The following GPC6 variants were observed in gnomAD, a reference collection of about 807,000 sequenced individuals.
GPC6 encodes the protein glypican 6, also known as glypican-6.
In GPC6, 14 loss-of-function variants were observed where a neutral mutation model predicts 55.2. That is an observed-to-expected ratio of 0.25 (90% CI 0.17 to 0.40). The LOEUF (loss-of-function observed/expected upper bound fraction) is 0.40, where lower values mean the gene tolerates loss of function less well. Ranked by LOEUF, GPC6 falls within the 10% of genes least tolerant of loss-of-function variation. The pLI, the probability that GPC6 is intolerant of heterozygous loss-of-function variation, is 1.00. For synonymous variants in GPC6, 278 were observed against 259.6 expected, an observed-to-expected ratio of 1.07 and a Z score of -0.68; for missense variants, 641 against 708.5, an observed-to-expected ratio of 0.90 and a Z score of 1.08.
intron 5 of GPC6, among the ~76,000 whole-genome samples, chr13:94,301,634 T>C (rs963138446): frequency 1.3e-5 from 2 of 152,222 alleles, no homozygotes; most frequent in African/African-American, 2.4e-5. Context: ...GTAAATAATA[T>C]TGTTATTCCC....
At chr13:93,845,280 G>A (rs1453781461) in intron 3 of GPC6, among the ~76,000 whole-genome samples, 1 of 151,066 alleles carries the variant, frequency 6.6e-6, no homozygotes, top group African/African-American at 2.4e-5. Flanking sequence ...AAACCACTAT[G>A]AGATATCATC....
In GPC6 at chr13:93,265,345, G is replaced by A. The variant is rs149295641; in HGVS notation, c.160+37729G>A. Among the ~76,000 whole-genome samples, 28 of 152,122 alleles carry A rather than the reference G, an allele frequency of 1.8e-4. No individual in the cohort carries two copies. In the East Asian group the frequency reaches 3.7e-3, roughly 20 times the overall value. On this transcript the variant is annotated intron_variant, in intron 1 of 8. Transcript: ENST00000377047. ...GTTGAGCATCCCTCAACTGAAAATC[G>A]GAGATCCAAAATGCTCCAAAACTGG...
chr13:93,785,831 G>T (rs1326707681), intron 2 of GPC6, among the ~76,000 whole-genome samples: 2 of 152,088 alleles, frequency 1.3e-5, no homozygotes, highest in Admixed American at 1.3e-4. Flanking sequence ...GCAGAGTGGG[G>T]TTTGCCTGTG....
At chr13:93,393,228 T>G (rs1875714099) in intron 1 of GPC6, among the ~76,000 whole-genome samples, 1 of 151,116 alleles carries the variant, frequency 6.6e-6, no homozygotes, top group South Asian at 2.1e-4. Context: ...AACCTCTGCC[T>G]CCTGGGTTCA....
intron 3 of GPC6, among the ~76,000 whole-genome samples, chr13:94,017,134 G>A (rs1882499203): frequency 6.6e-6 from 1 of 152,104 alleles, no homozygotes; most frequent in African/African-American, 2.4e-5. Context: ...TGCCTGGCCA[G>A]TTTTCTTAAC....
chr13:94,123,497 A>G (rs1480478893), intron 4 of GPC6, among the ~76,000 whole-genome samples: 1 of 152,060 alleles, frequency 6.6e-6, no homozygotes, highest in East Asian at 1.9e-4. Context: ...TTTAATAGTC[A>G]TCTCTTGTTG....
intron 4 of GPC6, among the ~76,000 whole-genome samples, chr13:94,115,453 G>A (rs1221852915): frequency 6.6e-6 from 1 of 152,084 alleles, no homozygotes; most frequent in East Asian, 1.9e-4. Context: ...CAAACAAAGG[G>A]ACTGCTTTTT....
At chr13:93,413,899 T>A (rs1876601437) in intron 1 of GPC6, among the ~76,000 whole-genome samples, 2 of 152,184 alleles carry the variant, frequency 1.3e-5, no homozygotes, top group African/African-American at 2.4e-5. Context: ...AAAATACCTA[T>A]AGTAAAAATC....
intron 4 of GPC6, among the ~76,000 whole-genome samples, chr13:94,256,524 T>A (rs1891509281): frequency 6.6e-6 from 1 of 152,170 alleles, no homozygotes; most frequent in African/African-American, 2.4e-5. Flanking sequence ...TCTCAATGTA[T>A]GGCATGGCCC....
intron 3 of GPC6, among the ~76,000 whole-genome samples, chr13:93,902,458 G>A (rs532702965): frequency 6.6e-6 from 1 of 152,016 alleles, no homozygotes; most frequent in African/African-American, 2.4e-5. Context: ...TCATCCATTG[G>A]TGGACAGACA....
chr13:94,199,355 T>C lies in GPC6; in HGVS notation c.878-86994T>C, dbSNP rs549466105. 2.6e-5 allele frequency among the ~76,000 whole-genome samples: 4 copies of C among 152,362 alleles called. No homozygotes were observed. In the East Asian group the frequency reaches 7.7e-4, roughly 29 times the overall value. ...GGGTTAAAATGCCTTGTCATCATTTTTGGATCTCTACATCCTGGAATTGTA... is the reference window on the plus strand; with the variant it reads ...GGGTTAAAATGCCTTGTCATCATTTCTGGATCTCTACATCCTGGAATTGTA... On this transcript the variant is annotated intron_variant, in intron 4 of 8. Coordinates refer to ENST00000377047, the MANE Select transcript of GPC6 (RefSeq NM_005708.5).
At chr13:93,918,255 C>T (rs1877393150) in intron 3 of GPC6, among the ~76,000 whole-genome samples, 1 of 152,098 alleles carries the variant, frequency 6.6e-6, no homozygotes, top group Non-Finnish European at 1.5e-5. Context: ...AGCATGACTT[C>T]AAGATTTATT....
chr13:93,833,003 A>T (rs560837399), intron 3 of GPC6, among the ~76,000 whole-genome samples: 1 of 151,960 alleles, frequency 6.6e-6, no homozygotes, highest in South Asian at 2.1e-4. Flanking sequence ...TAATCAGTTA[A>T]AATTATAAGC....
chr13:94,050,565 G>A (rs1883908532), intron 4 of GPC6, among the ~76,000 whole-genome samples: 1 of 152,134 alleles, frequency 6.6e-6, no homozygotes, highest in African/African-American at 2.4e-5. Flanking sequence ...ACCAGCAAAA[G>A]CTAGCCTGCT....
chr13:93,856,836 C>T (rs1441331469), intron 3 of GPC6, among the ~76,000 whole-genome samples: 1 of 151,538 alleles, frequency 6.6e-6, no homozygotes. Context: ...ATTAGCTGAC[C>T]TCCAGACCTG....
chr13:93,421,899 G>A (rs1336158169), intron 1 of GPC6, among the ~76,000 whole-genome samples: 2 of 152,166 alleles, frequency 1.3e-5, no homozygotes, highest in Non-Finnish European at 2.9e-5. Flanking sequence ...CACAGTGGAT[G>A]ATTGATTCCC....
chr13:94,109,014 A>G (rs1479179485), intron 4 of GPC6, among the ~76,000 whole-genome samples: 2 of 152,208 alleles, frequency 1.3e-5, no homozygotes, highest in Non-Finnish European at 2.9e-5. Context: ...TTTTCAAATA[A>G]GATCACCTTT....
intron 4 of GPC6, among the ~76,000 whole-genome samples, chr13:94,041,455 C>A (rs1481128605): frequency 6.6e-6 from 1 of 151,760 alleles, no homozygotes; most frequent in Non-Finnish European, 1.5e-5. Flanking sequence ...TAAATTTAAG[C>A]TTGACTTTTT....
chr13:93,788,889 G>A (rs1885899978), intron 2 of GPC6, among the ~76,000 whole-genome samples: 1 of 152,084 alleles, frequency 6.6e-6, no homozygotes, highest in South Asian at 2.1e-4. Flanking sequence ...ATGAATTATA[G>A]GGGGATTAAG....
Sources: allele counts gnomAD v4.1 joint callset (sites outside exome capture counted in the v4.1 genomes callset), GRCh38; gene constraint gnomAD v4.1.1; transcripts MANE v1.5; gene names NCBI Gene and HGNC (gene_info 2026-07-23, HGNC 2026-07-21).